TCF4: variants seen among roughly 807,000 people sequenced by gnomAD.
TCF4 encodes SL3-3 enhancer factor 2.
A neutral mutation model predicts 82.1 loss-of-function variants in TCF4; 3 were observed. The ratio of observed to expected loss-of-function variants is 0.04; its 90% confidence interval spans 0.02 to 0.09. The LOEUF (loss-of-function observed/expected upper bound fraction) is 0.09. Among genes scored for constraint, TCF4 ranks in the 10% least tolerant of loss-of-function variants. The pLI is 1.00. For missense variants in TCF4, 518 were observed against 852.7 expected (o/e 0.61, Z 4.89); for synonymous variants, 276 against 309.6 (o/e 0.89, Z 1.14).
intron 3 of TCF4, among the ~76,000 whole-genome samples, chr18:55,570,468 G>T (rs2097453072): frequency 6.6e-6 from 1 of 152,018 alleles, no homozygotes; most frequent in Non-Finnish European, 1.5e-5. Context: ...AAATCAATAA[G>T]AAAAAACAAA....
At chr18:55,286,398 C>T (rs1181084991) in intron 8 of TCF4, among the ~76,000 whole-genome samples, 6 of 151,154 alleles carry the variant, frequency 4.0e-5, no homozygotes, top group Admixed American at 2.6e-4. Context: ...TTTTAAAGCT[C>T]GAATGAGTTC....
At chr18:55,612,545 G>T (rs1323874277) in intron 2 of TCF4, among the ~76,000 whole-genome samples, 1 of 149,246 alleles carries the variant, frequency 6.7e-6, no homozygotes, top group Admixed American at 6.7e-5. Context: ...TTGTTGTAAT[G>T]AAAAAAAAAC....
chr18:55,401,415 T>C, intron 6 of TCF4: 1 of 1,067,016 alleles, frequency 9.4e-7, no homozygotes, highest in Non-Finnish European at 1.1e-6. Flanking sequence ...ACGGCTACAT[T>C]ACGAAGGCTT....
rs1308858433 is a variant in TCF4 at position 55,586,063 on chromosome 18, C to CAAT, written c.73-712_73-711insATT. ...GGGCTGCAAAGCTGCCTGCCTAGGG[C>CAAT]TACGTTTCCTGGCAAAACTTCCGAA... On this transcript the variant is annotated intron_variant, in intron 2 of 19. Coordinates refer to ENST00000354452, the MANE Select transcript of TCF4 (RefSeq NM_001083962.2). 2.7e-5 allele frequency: 38 copies of CAAT among 1,417,366 alleles called. 6 individuals carry two copies. The East Asian group carries it at 1.1e-3, about 41-fold the overall frequency. The allele number at this position is 1,417,366 out of a possible 1,614,324, so 87.8% of individuals were successfully genotyped here. A position where few individuals can be genotyped will look rare whatever the true frequency, so the allele number is the denominator to read the frequency against.
chr18:55,461,144 T>C (rs1348771770), intron 4 of TCF4, 29 bp from the exon 5 acceptor site: 1 of 1,555,306 alleles, frequency 6.4e-7, no homozygotes, highest in Admixed American at 1.7e-5. Flanking sequence ...TGTAAGTTAT[T>C]ATTTTATATT....
At chr18:55,411,866 G>A (rs546269830) in intron 5 of TCF4, among the ~76,000 whole-genome samples, 33 of 151,994 alleles carry the variant, frequency 2.2e-4, no homozygotes, top group African/African-American at 6.8e-4. Context: ...TCAGCCTCCC[G>A]AGTAGCTGGG....
intron 8 of TCF4, among the ~76,000 whole-genome samples, chr18:55,293,474 G>A (rs1353667199): frequency 6.6e-6 from 1 of 151,800 alleles, no homozygotes; most frequent in Non-Finnish European, 1.5e-5. Context: ...TTGCCAAAAT[G>A]TCTTAAGAGA....
intron 6 of TCF4, among the ~76,000 whole-genome samples, chr18:55,377,824 T>A (rs539609737): frequency 6.6e-6 from 1 of 152,360 alleles, no homozygotes; most frequent in Admixed American, 6.5e-5. Context: ...GAACTTGTAT[T>A]ACTTTGTGAA....
At chr18:55,271,470 GGAAAT>G (rs1319699749) in intron 10 of TCF4, among the ~76,000 whole-genome samples, 1 of 152,038 alleles carries the variant, frequency 6.6e-6, no homozygotes, top group African/African-American at 2.4e-5. Context: ...ACTAGTCTAA[GGAAAT>G]GAATCTACGT....
chr18:55,375,702 T>G (rs1206674934), intron 6 of TCF4, among the ~76,000 whole-genome samples: 1 of 151,598 alleles, frequency 6.6e-6, no homozygotes, highest in African/African-American at 2.4e-5. Context: ...TAACAGACAA[T>G]AAAAAAGACA....
At chr18:55,361,780 C>G (rs780244916) in intron 6 of TCF4, among the ~76,000 whole-genome samples, 1 of 152,200 alleles carries the variant, frequency 6.6e-6, no homozygotes, top group Non-Finnish European at 1.5e-5. Flanking sequence ...ATACAAATAA[C>G]AGCAAATATC....
At chr18:55,594,572 T>C (rs1288150703) in intron 2 of TCF4, among the ~76,000 whole-genome samples, 1 of 152,222 alleles carries the variant, frequency 6.6e-6, no homozygotes, top group Non-Finnish European at 1.5e-5. Flanking sequence ...TTCTTGGGGT[T>C]TCATTTTAGC....
intron 5 of TCF4, among the ~76,000 whole-genome samples, chr18:55,451,197 A>G (rs931606563): frequency 9.2e-5 from 14 of 152,188 alleles, no homozygotes; most frequent in African/African-American, 3.1e-4. Context: ...CCAAAACCCC[A>G]AAGTCTATAG....
In TCF4 at chr18:55,257,425, G is replaced by T. The variant is rs768013209; in HGVS notation, c.1070-34C>A. The T allele has an allele frequency of 5.0e-6, 8 of 1,604,906 alleles. No homozygotes were observed. The Admixed American group carries it at 1.3e-4, about 27-fold the overall frequency. ...AAAGTGGGAATTACAATCAGATCTA[G>T]ACACATGTAAAAAGACGCTTGCCAA... On this transcript the variant is annotated intron_variant, in intron 13 of 19. Coordinates refer to ENST00000354452, the MANE Select transcript of TCF4 (RefSeq NM_001083962.2).
chr18:55,485,482 T>C (rs894055370), intron 3 of TCF4, among the ~76,000 whole-genome samples: 8 of 152,096 alleles, frequency 5.3e-5, no homozygotes, highest in African/African-American at 1.7e-4. Flanking sequence ...GAAGCATCAT[T>C]TTCAGGAAAT....
intron 8 of TCF4, among the ~76,000 whole-genome samples, chr18:55,328,460 C>G (rs1327750758): frequency 1.3e-5 from 2 of 151,924 alleles, no homozygotes; most frequent in East Asian, 3.9e-4. Context: ...CAAAAACAAA[C>G]CATTTCTATT....
intron 3 of TCF4, among the ~76,000 whole-genome samples, chr18:55,542,659 C>A (rs979735864): frequency 6.6e-6 from 1 of 151,886 alleles, no homozygotes; most frequent in Non-Finnish European, 1.5e-5. Context: ...CAATAGCCAA[C>A]ACACACACAC....
rs187031146 is a variant in TCF4, at chr18:55,434,134, T to C, written c.304+26885A>G. Among the ~76,000 whole-genome samples, 131 of 152,320 alleles carry C rather than the reference T, an allele frequency of 8.6e-4. No homozygotes were observed. In the Middle Eastern group the frequency reaches 0.041, roughly 47 times the overall value. On this transcript the variant is annotated intron_variant, in intron 5 of 19. Coordinates refer to ENST00000354452, the MANE Select transcript of TCF4 (RefSeq NM_001083962.2). ...GAAAGCAAATCTTCTCTATTCACTA[T>C]GCTCAACTACATTTCTCCTTTTGCT...
intron 3 of TCF4, among the ~76,000 whole-genome samples, chr18:55,531,405 G>A (rs1359946146): frequency 1.3e-5 from 2 of 152,144 alleles, no homozygotes; most frequent in African/African-American, 4.8e-5. Context: ...GGATCGCTAA[G>A]TAGAGAATGG....
Sources: gnomAD v4.1 joint callset for allele counts (sites outside exome capture counted in the v4.1 genomes callset) on GRCh38, gnomAD v4.1.1 for gene constraint, MANE v1.5 for transcripts, NCBI Gene and HGNC (gene_info 2026-07-23, HGNC 2026-07-21) for gene names.